Variants in SOX8 observed in about 807,000 individuals in gnomAD.
The protein encoded by SOX8 is SRY-box transcription factor 8, also known as transcription factor SOX-8.
SOX8 carries 9 observed loss-of-function variants against 22.9 expected under a neutral mutation model. The ratio of observed to expected loss-of-function variants is 0.39; its 90% CI spans 0.24 to 0.69. The LOEUF (loss-of-function observed/expected upper bound fraction) is 0.69, where lower values mean the gene tolerates loss of function less well. Among genes scored for constraint, SOX8 ranks in the 30% least tolerant of loss-of-function variants. The pLI, the probability that SOX8 is intolerant of heterozygous loss-of-function variation, is 0.43. For missense variants in SOX8, 734 were observed against 699.4 expected, an observed-to-expected ratio of 1.05 and a Z score of -0.56; for synonymous variants, 416 against 330.6, an observed-to-expected ratio of 1.26 and a Z score of -2.80.
rs560388023 is a variant in SOX8, at chr16:983,874, C to G, written c.569C>G (p.Ala190Gly). ...KAGHSDSDSG[A>G]ELGPHPGGGA... ...GGCCACAGCGACTCCGACTCGGGCG[C>G]GGAGCTGGGACCCCACCCTGGCGGC... is the stretch of plus-strand genomic sequence containing the variant. The change falls in exon 2 of 3, where the codon GCG becomes GGG. Residue 190 changes from alanine (A) to glycine (G), a missense_variant. Physicochemically the swap from Ala to Gly is moderately conservative, Grantham distance 60 (BLOSUM62 0). This residue lies in a region of SOX8 where 588 missense variants were observed against 568.2 expected (regional missense o/e 1.03). Coordinates refer to ENST00000293894, the MANE Select transcript of SOX8 (RefSeq NM_014587.5). 1 of 1,611,330 alleles carries G rather than the reference C, an allele frequency of 6.2e-7. No individual in the cohort carries two copies. The highest frequency in any genetic ancestry group is 8.5e-7 in the Non-Finnish European group (1 of 1,179,178).
At position 982,210 on chromosome 16, in the gene SOX8, C is replaced by T; in HGVS notation, c.288C>T (p.Leu96=). 6.6e-7 allele frequency: 1 copy of T among 1,526,648 alleles called. No homozygotes were observed. Among genetic ancestry groups the T allele is most frequent in the Non-Finnish European group, 8.7e-7 (1 of 1,144,578 alleles). The allele number at this position is 1,526,648 out of a possible 1,614,324, so 94.6% of individuals were successfully genotyped here. Residue 96 remains leucine, a synonymous_variant, in exon 1 of 3, where the codon CTC becomes CTT. Coordinates refer to ENST00000293894, the MANE Select transcript of SOX8 (RefSeq NM_014587.5). ...MPVRGGGGGA[L]KAKPHVKRPM... is the part of the protein sequence containing the mutation. ...TGCGCGGCGGCGGCGGCGGCGCGCT[C>T]AAAGCCAAGCCGCATGTGAAGCGGC...
chr16:986,425 T>C lies in SOX8; in HGVS notation c.*1039T>C, dbSNP rs1172238397. The stretch of plus-strand genomic sequence containing the variant: ...CGACTGTGCCACGTGGTAGGACACA[T>C]AGGACACAGGAATTCCTGGGTCCTT... On this transcript the variant is annotated 3_prime_UTR_variant, in exon 3 of 3. Coordinates refer to ENST00000293894, the MANE Select transcript of SOX8 (RefSeq NM_014587.5). 1 of 152,198 alleles carries C rather than the reference T, an allele frequency of 6.6e-6. No individual in the cohort carries two copies. The highest frequency in any genetic ancestry group is 1.9e-4 in the East Asian group (1 of 5,188). The allele number at this position is 152,198 out of a possible 1,614,324, so 9.4% of individuals were successfully genotyped here.
chr16:985,518 C>A lies in SOX8; in HGVS notation c.*132C>A. 1.3e-6 allele frequency: 1 copy of A among 743,842 alleles called. No individual in the cohort carries two copies. Among genetic ancestry groups the A allele is most frequent in the Non-Finnish European group, 2.1e-6 (1 of 482,304 alleles). 46.1% of individuals were successfully genotyped at this position (743,842 alleles called of 1,614,324 possible). A position where few individuals can be genotyped will look rare whatever the true frequency, so the allele number is the denominator to read the frequency against. On this transcript the variant is annotated 3_prime_UTR_variant, in exon 3 of 3. Coordinates refer to ENST00000293894, the MANE Select transcript of SOX8 (RefSeq NM_014587.5). ...CTGCTGAAGTCTGCAGGGAAACACG[C>A]TTGCTGCCCGTGGCCCTCGGCCTCC...
Position 985,633 on chromosome 16 carries a change from C to G in SOX8, c.*247C>G, listed in dbSNP as rs1370596785. ...GGTGGGATTATTCCACAAAGAAGGG[C>G]TGCCGTTTGGTCCCTCTTCCGTGAG... On this transcript the variant is annotated 3_prime_UTR_variant, in exon 3 of 3. Transcript: ENST00000293894. 1 of 490,740 alleles carries G rather than the reference C, an allele frequency of 2.0e-6. No individual in the cohort carries two copies. The highest frequency in any genetic ancestry group is 3.6e-6 in the Non-Finnish European group (1 of 279,696). The allele number at this position is 490,740 out of a possible 1,614,324, so 30.4% of individuals were successfully genotyped here. A position where few individuals can be genotyped will look rare whatever the true frequency, so the allele number is the denominator to read the frequency against.
At chr16:982,567 A>G (rs1347498108) in intron 1 of SOX8, 3 of 442,986 alleles carry the variant, frequency 6.8e-6, no homozygotes, top group Non-Finnish European at 1.1e-5. Flanking sequence ...CGCGGAGGGC[A>G]GCGCCTGGGG....
chr16:981,772 G>T lies in SOX8; in HGVS notation c.-151G>T. 4.5e-6 allele frequency: 1 copy of T among 223,250 alleles called. No homozygotes were observed. Among genetic ancestry groups the T allele is most frequent in the South Asian group, 1.5e-4 (1 of 6,690 alleles). The allele number at this position is 223,250 out of a possible 1,614,324, so 13.8% of individuals were successfully genotyped here. On this transcript the variant is annotated 5_prime_UTR_variant, in exon 1 of 3. Transcript: ENST00000293894. ...AAACTTGTTGCGGGTCCCGCAGCGG[G>T]ACCCGAGCCTCGGCGGCGGCGGCGG... is the stretch of plus-strand genomic sequence containing the variant.
Position 986,887 on chromosome 16 carries a change from C to T in SOX8, c.*1501C>T, listed in dbSNP as rs2073467128. 6.6e-6 allele frequency: 1 copy of T among 152,294 alleles called. No homozygotes were observed. Among genetic ancestry groups the T allele is most frequent in the African/African-American group, 2.4e-5 (1 of 41,474 alleles). The allele number at this position is 152,294 out of a possible 1,614,324, so 9.4% of individuals were successfully genotyped here. A position where few individuals can be genotyped will look rare whatever the true frequency, so the allele number is the denominator to read the frequency against. On this transcript the variant is annotated 3_prime_UTR_variant, in exon 3 of 3. Coordinates refer to ENST00000293894, the MANE Select transcript of SOX8 (RefSeq NM_014587.5). ...GCACCGCGTTCGGAGGACGCACCCT[C>T]ACTCCCCTGCTGCCTTCACTCCTTT...
intron 2 of SOX8, 56 bp from the exon 3 acceptor site, chr16:984,645 C>T (rs1170055641): frequency 2.5e-6 from 3 of 1,214,390 alleles, no homozygotes; most frequent in South Asian, 1.7e-5. Flanking sequence ...CCTGGCCGGC[C>T]CCACCCGCCC....
intron 2 of SOX8, 90 bp downstream of exon 2, chr16:984,050 G>T (rs970462228): frequency 4.4e-6 from 5 of 1,145,302 alleles, no homozygotes; most frequent in Non-Finnish European, 3.5e-6. Flanking sequence ...GATGGTGGAG[G>T]GGGGCAGGCG....
rs776509015 is a variant in SOX8 at position 985,048 on chromosome 16, C to T, written c.1003C>T (p.Arg335Trp). Residue 335 changes from arginine (R) to tryptophan (W), a missense_variant, in exon 3 of 3, where the codon CGG (arginine) becomes TGG (tryptophan). By Grantham distance (101) the Arg-to-Trp change is moderately radical. This residue lies in a region of SOX8 where 588 missense variants were observed against 568.2 expected (regional missense o/e 1.03). Transcript: ENST00000293894. ...GTCGCCCACCGAGACGGGTCCCCCA[C>T]GGCCGCACATCAAGACGGAGCAGCC... ...SASPTETGPP[R>W]PHIKTEQPSP... 25 of 1,579,580 alleles carry T rather than the reference C, an allele frequency of 1.6e-5. No homozygotes were observed. The highest frequency in any genetic ancestry group is 5.2e-5 in the Admixed American group (3 of 57,476).
Position 982,130 on chromosome 16 carries a change from G to A in SOX8, c.208G>A (p.Asp70Asn). ...ADERFPACIR[D>N]AVSQVLKGYD... ...CGAGCGCTTCCCGGCCTGCATCCGC[G>A]ACGCCGTGTCGCAGGTGCTCAAGGG... The change falls in exon 1 of 3, where the codon GAC becomes AAC. Residue 70 changes from aspartate to asparagine, a missense_variant. Around this residue, in one of 3 missense-constraint regions of SOX8, gnomAD observed 7 missense variants for 22.1 expected, o/e 0.32. Coordinates refer to ENST00000293894, the MANE Select transcript of SOX8 (RefSeq NM_014587.5). 2.1e-6 allele frequency: 3 copies of A among 1,425,188 alleles called. No individual in the cohort carries two copies. The highest frequency in any genetic ancestry group is 2.8e-6 in the Non-Finnish European group (3 of 1,090,302). The allele number at this position is 1,425,188 out of a possible 1,614,324, so 88.3% of individuals were successfully genotyped here.
In SOX8 at chr16:983,715, C is replaced by T; in HGVS notation, c.423-13C>T. 6.2e-7 allele frequency: 1 copy of T among 1,609,614 alleles called. No individual in the cohort carries two copies. On this transcript the variant is annotated splice_polypyrimidine_tract_variant and intron_variant, in intron 1 of 2. Transcript: ENST00000293894. ...GGCGCCCTGGCCATCCCTGCCTCTGCCCTGTGCTGCAGCTTGCTGAGCGAG... is the reference window on the plus strand; with the variant it reads ...GGCGCCCTGGCCATCCCTGCCTCTGTCCTGTGCTGCAGCTTGCTGAGCGAG...
chr16:983,449 C>G (rs12597812), intron 1 of SOX8: 25 of 311,946 alleles, frequency 8.0e-5, no homozygotes, highest in Admixed American at 5.0e-5. Context: ...ACAGCAGGCC[C>G]GGAATAGGGG....
chr16:983,797 G>A lies in SOX8; in HGVS notation c.492G>A (p.Lys164=), dbSNP rs1458091311. 4.3e-6 allele frequency: 7 copies of A among 1,612,740 alleles called. No individual in the cohort carries two copies. The African/African-American group carries it at 9.3e-5, about 22-fold the overall frequency. ...AGCGCCTTCGCGTGCAGCACAAGAA[G>A]GACCACCCCGACTACAAGTACCAGC... ...EAERLRVQHK[K]DHPDYKYQPR... Residue 164 remains lysine (K), a synonymous_variant, in exon 2 of 3, where the codon AAG becomes AAA. Coordinates refer to ENST00000293894, the MANE Select transcript of SOX8 (RefSeq NM_014587.5).
chr16:981,979 C>T lies in SOX8; in HGVS notation c.57C>T (p.Ala19=), dbSNP rs1310895114. Residue 19 remains alanine (A), a synonymous_variant, in exon 1 of 3, where the codon GCC becomes GCT. Coordinates refer to ENST00000293894, the MANE Select transcript of SOX8 (RefSeq NM_014587.5). ...SQPPCSPSGT[A]SSMSHVEDSD... ...CGCCCTGCAGCCCGTCCGGCACCGC[C>T]AGCTCCATGTCGCACGTGGAGGACT... 1 of 1,449,688 alleles carries T rather than the reference C, an allele frequency of 6.9e-7. No homozygotes were observed. Among genetic ancestry groups the T allele is most frequent in the African/African-American group, 1.5e-5 (1 of 68,090 alleles). 89.8% of individuals were successfully genotyped at this position (1,449,688 alleles called of 1,614,324 possible). A position where few individuals can be genotyped will look rare whatever the true frequency, so the allele number is the denominator to read the frequency against.
rs977301433 is a variant in SOX8 at position 986,568 on chromosome 16, C to T, written c.*1182C>T. 1.3e-5 allele frequency: 2 copies of T among 152,422 alleles called. No homozygotes were observed. Among genetic ancestry groups the T allele is most frequent in the South Asian group, 2.1e-4 (1 of 4,832 alleles). The allele number at this position is 152,422 out of a possible 1,614,324, so 9.4% of individuals were successfully genotyped here. Reference sequence around the variant, plus strand: ...CCACCTACCAAGCTGTGAAACTAAACCTTCTCCACTAAACGTCGTTAGGGC... The same window carrying T: ...CCACCTACCAAGCTGTGAAACTAAATCTTCTCCACTAAACGTCGTTAGGGC... On this transcript the variant is annotated 3_prime_UTR_variant, in exon 3 of 3. Coordinates refer to ENST00000293894, the MANE Select transcript of SOX8 (RefSeq NM_014587.5).
rs544809296 is a variant in SOX8 at position 986,723 on chromosome 16, G to T, written c.*1337G>T. The T allele has an allele frequency of 6.8e-6, 1 of 146,878 alleles. No individual in the cohort carries two copies. The allele number at this position is 146,878 out of a possible 1,614,324, so 9.1% of individuals were successfully genotyped here. A position where few individuals can be genotyped will look rare whatever the true frequency, so the allele number is the denominator to read the frequency against. ...ACTTTGTAAACTTAAACACAGCCGA[G>T]AAGTTGCTTCTTTGTACTTTTTCTA... On this transcript the variant is annotated 3_prime_UTR_variant, in exon 3 of 3. Transcript: ENST00000293894.
In SOX8 at chr16:982,243, C is replaced by T. The variant is rs377689747; in HGVS notation, c.321C>T (p.Asn107=). The T allele has an allele frequency of 2.6e-6, 4 of 1,554,380 alleles. No homozygotes were observed. Among genetic ancestry groups the T allele is most frequent in the African/African-American group, 2.8e-5 (2 of 70,740 alleles). Residue 107 remains asparagine, a synonymous_variant, in exon 1 of 3, where the codon AAC becomes AAT. Transcript: ENST00000293894. ...AGCCGCATGTGAAGCGGCCCATGAA[C>T]GCATTCATGGTGTGGGCGCAGGCGG... ...KAKPHVKRPM[N]AFMVWAQAAR... is the part of the protein sequence containing the mutation.
rs1262855030 is a variant in SOX8 at position 982,012 on chromosome 16, G to C, written c.90G>C (p.Ser30=). 1 of 1,410,478 alleles carries C rather than the reference G, an allele frequency of 7.1e-7. No individual in the cohort carries two copies. Among genetic ancestry groups the C allele is most frequent in the Non-Finnish European group, 9.2e-7 (1 of 1,081,554 alleles). The allele number at this position is 1,410,478 out of a possible 1,614,324, so 87.4% of individuals were successfully genotyped here. A position where few individuals can be genotyped will look rare whatever the true frequency, so the allele number is the denominator to read the frequency against. Residue 30 remains serine, a synonymous_variant, in exon 1 of 3, where the codon TCG becomes TCC. Transcript: ENST00000293894. The part of the protein sequence containing the change: ...SSMSHVEDSD[S]DAPPSPAGSE... ...TGTCGCACGTGGAGGACTCGGACTC[G>C]GACGCGCCGCCGTCTCCCGCCGGCT...
Sources: allele counts gnomAD v4.1 joint callset, GRCh38; gene constraint gnomAD v4.1.1; regional missense constraint gnomAD v4.1.1; transcripts MANE v1.5; gene names NCBI Gene and HGNC (gene_info 2026-07-23, HGNC 2026-07-21).